The following FBXO24 variants were observed in gnomAD, a reference collection of about 807,000 sequenced individuals.
FBXO24 encodes F-box only protein 24.
In FBXO24, 30 loss-of-function variants were observed where a neutral mutation model predicts 63.5. The ratio of observed to expected loss-of-function variants is 0.47; its 90% CI spans 0.35 to 0.64. The LOEUF (loss-of-function observed/expected upper bound fraction) is 0.64. FBXO24 is among the 30% of genes least tolerant of loss of function. The pLI is 0.00. For missense variants in FBXO24, 624 were observed against 763.4 expected (o/e 0.82, Z 2.15); for synonymous variants, 300 against 305.0 (o/e 0.98, Z 0.17).
intron 8 of FBXO24, 197 bp from the exon 9 acceptor site, chr7:100,599,834 G>C (rs1206787723): frequency 3.3e-6 from 2 of 608,178 alleles, no homozygotes; most frequent in East Asian, 5.7e-5. Context: ...CAACAGAAGT[G>C]CAAGACCCTA....
chr7:100,595,546 C>A, intron 7 of FBXO24, 29 bp from the exon 8 acceptor site: 3 of 1,555,560 alleles, frequency 1.9e-6, no homozygotes, highest in Non-Finnish European at 2.6e-6. Context: ...GGAATGGAAT[C>A]CCTATCCCCT....
At chr7:100,586,777 G>A in intron 1 of FBXO24, 113 bp downstream of exon 1, 1 of 1,229,866 alleles carries the variant, frequency 8.1e-7, no homozygotes, top group Non-Finnish European at 1.2e-6. Flanking sequence ...TAGGGGGCTA[G>A]CCGGCGTCCA....
chr7:100,593,049 G>C, intron 5 of FBXO24, 32 bp downstream of exon 5: 1 of 1,586,110 alleles, frequency 6.3e-7, no homozygotes, highest in South Asian at 1.1e-5. Flanking sequence ...TTTGCAAACT[G>C]TTTCCTGCAG....
At chr7:100,592,125 G>A in intron 4 of FBXO24, 1 of 466,940 alleles carries the variant, frequency 2.1e-6, no homozygotes, top group Non-Finnish European at 3.9e-6. Context: ...TGGGTGTGGT[G>A]GTGGGTGCCT....
chr7:100,593,333 A>G (rs926642384), intron 5 of FBXO24, among the ~76,000 whole-genome samples: 1 of 151,928 alleles, frequency 6.6e-6, no homozygotes, highest in Non-Finnish European at 1.5e-5. Context: ...CATCTCTACT[A>G]AAAAATACAA....
rs765931387 is a variant in FBXO24, at chr7:100,586,643, C to T, written c.18C>T (p.Val6=). 2 of 1,614,206 alleles carry T rather than the reference C, an allele frequency of 1.2e-6. No homozygotes were observed. Among genetic ancestry groups the T allele is most frequent in the South Asian group, 2.2e-5 (2 of 91,084 alleles). MGEKA[V]PLLRRRRVKR... is the part of the protein sequence containing the mutation. ...CCAATAGCATGGGCGAGAAGGCGGT[C>T]CCTTTGCTAAGGAGGAGGCGGGTGA... The change falls in exon 1 of 10, where the codon GTC becomes GTT. Residue 6 remains valine, a synonymous_variant. Coordinates refer to ENST00000241071, the MANE Select transcript of FBXO24 (RefSeq NM_033506.3).
intron 8 of FBXO24, among the ~76,000 whole-genome samples, chr7:100,596,859 A>G (rs1357811300): frequency 1.3e-5 from 2 of 152,148 alleles, no homozygotes; most frequent in Non-Finnish European, 2.9e-5. Flanking sequence ...CCTGGACAAC[A>G]TGGTGAAACC....
At chr7:100,596,254 G>T (rs141295765) in intron 8 of FBXO24, among the ~76,000 whole-genome samples, 1 of 152,288 alleles carries the variant, frequency 6.6e-6, no homozygotes, top group Non-Finnish European at 1.5e-5. Flanking sequence ...ACTCCAGCCT[G>T]GGCCACAGAG....
In FBXO24 at chr7:100,600,239, A is replaced by T; in HGVS notation, c.1377+38A>T. 6.8e-7 allele frequency: 1 copy of T among 1,479,614 alleles called. No individual in the cohort carries two copies. 91.7% of individuals were successfully genotyped at this position (1,479,614 alleles called of 1,614,324 possible). Reference sequence around the variant, plus strand: ...TCAGGAGAGTGGGCACCCAGGGAGGATGAGAGCCATGAACCAGGAAGCCCA... The same window carrying T: ...TCAGGAGAGTGGGCACCCAGGGAGGTTGAGAGCCATGAACCAGGAAGCCCA... On this transcript the variant is annotated intron_variant, in intron 9 of 9. Coordinates refer to ENST00000241071, the MANE Select transcript of FBXO24 (RefSeq NM_033506.3). This position sits in a 1 kb window ranked among gnomAD's most constrained non-coding sequence, Gnocchi z 6.3.
Position 100,593,808 on chromosome 7 carries a change from A to C in FBXO24, c.794-575A>C, listed in dbSNP as rs138397497. Among the ~76,000 whole-genome samples the C allele has an allele frequency of 4.1e-3, 628 of 151,486 alleles. 8 individuals carry two copies. Among genetic ancestry groups the C allele is most frequent in the African/African-American group, 0.015 (604 of 41,320 alleles). ...TGAGACTCCATCTCCAAAAAAAAAA[A>C]AAAAAAAAAAAATCAGATGTCCCCA... On this transcript the variant is annotated intron_variant, in intron 5 of 9. Coordinates refer to ENST00000241071, the MANE Select transcript of FBXO24 (RefSeq NM_033506.3).
At chr7:100,589,551 C>T in intron 1 of FBXO24, 1 of 1,416,358 alleles carries the variant, frequency 7.1e-7, no homozygotes, top group Non-Finnish European at 9.3e-7. Flanking sequence ...ACAGTGAGGT[C>T]ACAGAGAGGT....
chr7:100,599,998 C>T (rs1273475513), intron 8 of FBXO24, 33 bp from the exon 9 acceptor site: 1 of 1,487,794 alleles, frequency 6.7e-7, no homozygotes, highest in South Asian at 1.2e-5. Flanking sequence ...CCTTGGTGCT[C>T]CCTGCTCAGG....
chr7:100,586,399 A>C lies in FBXO24; in HGVS notation c.-227A>C, dbSNP rs576605796. The C allele has an allele frequency of 1.6e-6, 1 of 635,534 alleles. No homozygotes were observed. The highest frequency in any genetic ancestry group is 2.8e-5 in the Admixed American group (1 of 35,498). The allele number at this position is 635,534 out of a possible 1,614,324, so 39.4% of individuals were successfully genotyped here. A position where few individuals can be genotyped will look rare whatever the true frequency, so the allele number is the denominator to read the frequency against. ...AGCTGCACCCAATCACAATGCTCAGATCGGGAGGTGGAGCCAATCAGGTCC... is the reference window on the plus strand; with the variant it reads ...AGCTGCACCCAATCACAATGCTCAGCTCGGGAGGTGGAGCCAATCAGGTCC... On this transcript the variant is annotated 5_prime_UTR_variant, in exon 1 of 10. Coordinates refer to ENST00000241071, the MANE Select transcript of FBXO24 (RefSeq NM_033506.3).
intron 8 of FBXO24, chr7:100,599,782 C>T: frequency 2.0e-6 from 1 of 496,638 alleles, no homozygotes; most frequent in Non-Finnish European, 3.7e-6. Flanking sequence ...AGGCCCTGGG[C>T]TCAGGCAAGG....
chr7:100,594,394 ATCTACTCT>A lies in FBXO24; in HGVS notation c.807_814del (p.Tyr270GlyfsTer4). ...TCCCCTACCCCCAGAGGAAGGAAAG[ATCTACTCT>A]TTGGTAGTGAATGAGACCCAGCTTG... On this transcript the variant is annotated frameshift_variant, in exon 6 of 10. Transcript: ENST00000241071. LOFTEE classifies it high-confidence loss of function. This position sits in a 1 kb window ranked among gnomAD's most constrained non-coding sequence, Gnocchi z 4.2. 1 of 1,612,316 alleles carries A rather than the reference ATCTACTCT, an allele frequency of 6.2e-7. No individual in the cohort carries two copies. The highest frequency in any genetic ancestry group is 2.2e-5 in the East Asian group (1 of 44,752).
At chr7:100,597,880 TTTTG>T (rs1802387363) in intron 8 of FBXO24, among the ~76,000 whole-genome samples, 1 of 142,684 alleles carries the variant, frequency 7.0e-6, no homozygotes, top group South Asian at 2.3e-4. Flanking sequence ...TTTTTGTTTT[TTTTG>T]TTTTTTTTGT....
Position 100,590,170 on chromosome 7 carries a change from C to T in FBXO24, c.139-4C>T. The T allele has an allele frequency of 1.2e-6, 2 of 1,613,004 alleles. No individual in the cohort carries two copies. Among genetic ancestry groups the T allele is most frequent in the South Asian group, 1.1e-5 (1 of 91,022 alleles). On this transcript the variant is annotated splice_region_variant and splice_polypyrimidine_tract_variant and intron_variant, in intron 2 of 9. Transcript: ENST00000241071. ...CTCCCCGCTTCTTCCCTCCTCCCTC[C>T]CAGGTGGAGCATATCATCTCATTCC...
chr7:100,600,084 G>A lies in FBXO24; in HGVS notation c.1260G>A (p.Leu420=), dbSNP rs753553406. Residue 420 remains leucine, a synonymous_variant, in exon 9 of 10, where the codon CTG becomes CTA. Transcript: ENST00000241071. This position sits in a 1 kb window ranked among gnomAD's most constrained non-coding sequence, Gnocchi z 6.3. ...TGTGGTGCGGCCTCAACCACTCCCT[G>A]GTGCTGAGCCAGAGCTCAGAGTTCA... ...ITLWCGLNHS[L]VLSQSSEFSK... is the part of the protein sequence containing the mutation. 1.2e-6 allele frequency: 2 copies of A among 1,610,852 alleles called. No homozygotes were observed. The highest frequency in any genetic ancestry group is 1.7e-5 in the Admixed American group (1 of 59,808).
chr7:100,596,996 C>T (rs770819082), intron 8 of FBXO24, among the ~76,000 whole-genome samples: 4 of 152,076 alleles, frequency 2.6e-5, no homozygotes, highest in Non-Finnish European at 5.9e-5. Context: ...GAGCCGAGAT[C>T]GTGCCACAAC....
Sources: gnomAD v4.1 joint callset for allele counts (sites outside exome capture counted in the v4.1 genomes callset) on GRCh38, gnomAD v4.1.1 for gene constraint, Gnocchi (gnomAD v3.1) non-coding constraint, MANE v1.5 for transcripts, NCBI Gene and HGNC (gene_info 2026-07-23, HGNC 2026-07-21) for gene names.